SMIM36: variants seen among roughly 807,000 people sequenced by gnomAD.
SMIM36 encodes small integral membrane protein 36.
chr17:55,504,735 C>T (rs1157178880), intron 1 of SMIM36, among the ~76,000 whole-genome samples: 3 of 95,696 alleles, frequency 3.1e-5, no homozygotes, highest in Admixed American at 2.9e-4. Flanking sequence ...CAGAGCAGAA[C>T]TGAAGGAAAT....
At chr17:55,488,483 TC>T (rs1332638660) in intron 1 of SMIM36, among the ~76,000 whole-genome samples, 29 of 152,206 alleles carry the variant, frequency 1.9e-4, no homozygotes, top group Admixed American at 5.9e-4. Context: ...GATGTGTGCT[TC>T]TAGCATACAT....
intron 1 of SMIM36, among the ~76,000 whole-genome samples, chr17:55,500,871 TTA>T (rs1909909501): frequency 2.0e-5 from 1 of 50,004 alleles, no homozygotes; most frequent in Non-Finnish European, 2.8e-5. Context: ...TTATAATATA[TTA>T]TATTTTATAA....
At chr17:55,453,657 C>T (rs1438970351) in intron 4 of SMIM36, among the ~76,000 whole-genome samples, 1 of 152,156 alleles carries the variant, frequency 6.6e-6, no homozygotes, top group Non-Finnish European at 1.5e-5. Context: ...GCACTGAGAA[C>T]AAGAATCAGA....
the SMIM36 span, among the ~76,000 whole-genome samples, chr17:55,518,303 A>G: frequency 6.6e-6 from 1 of 152,230 alleles, no homozygotes; most frequent in Non-Finnish European, 1.5e-5. Context: ...GGATTAATCC[A>G]TTCATAAAGA....
At chr17:55,516,229 C>T (rs927188282), upstream of SMIM36, among the ~76,000 whole-genome samples, 1 of 152,146 alleles carries the variant, frequency 6.6e-6, no homozygotes, top group Admixed American at 6.5e-5. Flanking sequence ...TTTTAAGATG[C>T]TATGGTGTTG....
At chr17:55,524,936 T>C in the SMIM36 span, among the ~76,000 whole-genome samples, 3 of 152,202 alleles carry the variant, frequency 2.0e-5, no homozygotes, top group Admixed American at 6.5e-5. Flanking sequence ...TTACATGCAC[T>C]GAGCCATCCG....
the SMIM36 span, among the ~76,000 whole-genome samples, chr17:55,528,251 G>A: frequency 6.6e-6 from 1 of 152,184 alleles, no homozygotes; most frequent in East Asian, 1.9e-4. Flanking sequence ...TGTTGCCTAT[G>A]TGAACACATA....
chr17:55,511,226 A>G, exon 1 of SMIM36: 1 of 398,692 alleles, frequency 2.5e-6, no homozygotes, highest in East Asian at 3.6e-5. Context: ...TTGCCTCGGC[A>G]GTCGTATAGC....
intron 1 of SMIM36, among the ~76,000 whole-genome samples, chr17:55,507,667 A>G (rs1910099770): frequency 1.4e-5 from 2 of 146,764 alleles, no homozygotes. Context: ...AGCATGGCAC[A>G]TGTATACATA....
In SMIM36 at chr17:55,458,426, A is replaced by G. The variant is rs1398461385; in HGVS notation, c.*532-8128T>C. On this transcript the variant is annotated intron_variant, in intron 4 of 4. Coordinates refer to ENST00000636752, the Ensembl canonical transcript of SMIM36. ...AAACCGGGGAAGGGAAGTGCAGGGT[A>G]GAGGAGGGCGTGGTCCCTTGTTAGG... 3 of 152,218 alleles carry G rather than the reference A, an allele frequency of 2.0e-5. No homozygotes were observed. In the South Asian group the frequency reaches 6.2e-4, roughly 31 times the overall value. The allele number at this position is 152,218 out of a possible 1,614,324, so 9.4% of individuals were successfully genotyped here.
intron 1 of SMIM36, among the ~76,000 whole-genome samples, chr17:55,489,573 G>T (rs1909666209): frequency 6.6e-6 from 1 of 152,134 alleles, no homozygotes; most frequent in Non-Finnish European, 1.5e-5. Flanking sequence ...AACTACAAAA[G>T]AGATCATACC....
intron 3 of SMIM36, among the ~76,000 whole-genome samples, chr17:55,477,766 A>G (rs1909449411): frequency 6.6e-6 from 1 of 151,886 alleles, no homozygotes; most frequent in African/African-American, 2.4e-5. Flanking sequence ...TAATTACCTC[A>G]TAGGGTTGCT....
At chr17:55,459,597 T>C (rs1909099348) in intron 4 of SMIM36, among the ~76,000 whole-genome samples, 1 of 152,252 alleles carries the variant, frequency 6.6e-6, no homozygotes, top group Non-Finnish European at 1.5e-5. Context: ...CATATTTATA[T>C]AGTTGATTAT....
intron 1 of SMIM36, among the ~76,000 whole-genome samples, chr17:55,509,846 A>AAAGAG (rs1417217933): frequency 6.6e-6 from 1 of 152,156 alleles, no homozygotes; most frequent in Non-Finnish European, 1.5e-5. Context: ...CAACATCAAC[A>AAAGAG]AAGAGAGTGA....
chr17:55,518,542 T>C, the SMIM36 span, among the ~76,000 whole-genome samples: 73,278 of 151,834 alleles, frequency 0.48, 17,935 homozygotes, highest in Middle Eastern at 0.51. Flanking sequence ...TTAGAAGGGG[T>C]TTTCATAGGG....
intron 1 of SMIM36, among the ~76,000 whole-genome samples, chr17:55,484,722 A>G (rs910069466): frequency 9.9e-5 from 15 of 152,214 alleles, no homozygotes; most frequent in Admixed American, 7.2e-4. Context: ...GGCAACTAAG[A>G]GTAGAGGAGT....
At chr17:55,459,014 G>GT (rs1909086229) in intron 4 of SMIM36, among the ~76,000 whole-genome samples, 2 of 152,180 alleles carry the variant, frequency 1.3e-5, no homozygotes, top group African/African-American at 4.8e-5. Flanking sequence ...AGAGCACCCT[G>GT]TAACACACGC....
intron 1 of SMIM36, among the ~76,000 whole-genome samples, chr17:55,501,390 T>A (rs1406101671): frequency 3.9e-4 from 24 of 61,750 alleles, no homozygotes; most frequent in Non-Finnish European, 5.5e-4. Context: ...TAGAATATAA[T>A]ATATTATATA....
intron 1 of SMIM36, among the ~76,000 whole-genome samples, chr17:55,498,092 T>C (rs1182441296): frequency 6.6e-6 from 1 of 152,190 alleles, no homozygotes; most frequent in Non-Finnish European, 1.5e-5. Flanking sequence ...TTCTACCTTT[T>C]GATAGTTCCT....
Sources: allele counts gnomAD v4.1 joint callset (sites outside exome capture counted in the v4.1 genomes callset), GRCh38; gene constraint gnomAD v4.1.1; transcripts MANE v1.5; gene names NCBI Gene and HGNC (gene_info 2026-07-23, HGNC 2026-07-21).